SEMA3C: variants seen among roughly 807,000 people sequenced by gnomAD.
SEMA3C encodes the protein semaphorin 3C.
Under a neutral mutation model 89.4 loss-of-function variants are expected in SEMA3C, and 47 were observed. That is an observed-to-expected ratio of 0.53 (90% CI 0.42 to 0.67). The LOEUF (loss-of-function observed/expected upper bound fraction) is 0.67. SEMA3C is among the 30% of genes least tolerant of loss of function. The pLI, the probability that SEMA3C is intolerant of heterozygous loss-of-function variation, is 0.00. For synonymous variants in SEMA3C, 310 were observed against 320.2 expected (o/e 0.97, Z 0.34); for missense variants, 839 against 929.1 (o/e 0.90, Z 1.26).
chr7:80,754,525 T>G (rs1788011317), intron 15 of SEMA3C, among the ~76,000 whole-genome samples: 1 of 150,664 alleles, frequency 6.6e-6, no homozygotes, highest in South Asian at 2.1e-4. Context: ...AATGAAAAAC[T>G]CATATGGGAA....
chr7:80,792,603 G>C (rs998291142), intron 11 of SEMA3C, among the ~76,000 whole-genome samples: 1 of 152,064 alleles, frequency 6.6e-6, no homozygotes, highest in African/African-American at 2.4e-5. Flanking sequence ...ATTATGTCAA[G>C]GTTGCTCAAA....
At chr7:80,780,265 A>C (rs573809416) in intron 12 of SEMA3C, among the ~76,000 whole-genome samples, 25 of 152,326 alleles carry the variant, frequency 1.6e-4, no homozygotes, top group Non-Finnish European at 2.1e-4. Context: ...TTCTTAAAGG[A>C]AAGTGATGTT....
chr7:80,881,908 T>A (rs982491725), intron 2 of SEMA3C, among the ~76,000 whole-genome samples: 1 of 152,156 alleles, frequency 6.6e-6, no homozygotes, highest in African/African-American at 2.4e-5. Context: ...ACAAGTATCA[T>A]CTATTGGGGG....
intron 3 of SEMA3C, among the ~76,000 whole-genome samples, chr7:80,828,127 T>A (rs1032243604): frequency 1.3e-5 from 2 of 152,182 alleles, no homozygotes; most frequent in African/African-American, 4.8e-5. Flanking sequence ...TTAATCTACA[T>A]GTATTTTTTT....
intron 15 of SEMA3C, among the ~76,000 whole-genome samples, chr7:80,754,470 A>G (rs1457686343): frequency 1.3e-5 from 2 of 152,124 alleles, no homozygotes; most frequent in Admixed American, 6.6e-5. Flanking sequence ...CTACTAAAGA[A>G]AATAAATGTG....
intron 15 of SEMA3C, 44 bp downstream of exon 15, chr7:80,758,287 T>A (rs1403298858): frequency 6.3e-7 from 1 of 1,584,494 alleles, no homozygotes. Flanking sequence ...CTGTATTGTC[T>A]GGTGTCCTAC....
chr7:80,786,134 G>A (rs1037090718), intron 12 of SEMA3C, among the ~76,000 whole-genome samples: 2 of 152,184 alleles, frequency 1.3e-5, no homozygotes, highest in African/African-American at 4.8e-5. Context: ...AATCATCAGT[G>A]CAGCTTCCAC....
intron 2 of SEMA3C, among the ~76,000 whole-genome samples, chr7:80,907,363 T>C (rs1792039398): frequency 1.3e-5 from 2 of 152,036 alleles, no homozygotes; most frequent in South Asian, 4.1e-4. Context: ...TCTTAATTGG[T>C]TTCTTCTAAT....
intron 2 of SEMA3C, among the ~76,000 whole-genome samples, chr7:80,841,716 C>T (rs1758850150): frequency 6.6e-6 from 1 of 152,134 alleles, no homozygotes; most frequent in Non-Finnish European, 1.5e-5. Flanking sequence ...TATGCTTTCA[C>T]TTGATGCATT....
chr7:80,803,968 T>C (rs755014718), intron 8 of SEMA3C, 138 bp downstream of exon 8: 9 of 738,086 alleles, frequency 1.2e-5, no homozygotes, highest in African/African-American at 1.8e-5. Context: ...AATATAATAA[T>C]GATGATGAAT....
chr7:80,776,682 G>A (rs565500356), intron 12 of SEMA3C, among the ~76,000 whole-genome samples: 47 of 152,122 alleles, frequency 3.1e-4, no homozygotes, highest in South Asian at 1.0e-3. Context: ...TATTACCAAC[G>A]GATTCATCTA....
At chr7:80,920,169 C>G (rs962506845), upstream of SEMA3C, among the ~76,000 whole-genome samples, 1 of 152,136 alleles carries the variant, frequency 6.6e-6, no homozygotes, top group Non-Finnish European at 1.5e-5. Context: ...TTCAGGTACA[C>G]TCGTTAAACT....
intron 2 of SEMA3C, among the ~76,000 whole-genome samples, chr7:80,831,244 C>T (rs972126839): frequency 6.6e-6 from 1 of 152,176 alleles, no homozygotes; most frequent in Non-Finnish European, 1.5e-5. Flanking sequence ...TCTACCATTT[C>T]ACTTCTAGAT....
chr7:80,894,743 T>C (rs1791693374), intron 2 of SEMA3C, among the ~76,000 whole-genome samples: 1 of 152,206 alleles, frequency 6.6e-6, no homozygotes, highest in African/African-American at 2.4e-5. Flanking sequence ...TTTTTTTTAA[T>C]GCCTGATTGG....
chr7:80,797,540 A>T (rs1400815357), intron 11 of SEMA3C, among the ~76,000 whole-genome samples: 2 of 152,204 alleles, frequency 1.3e-5, no homozygotes, highest in South Asian at 2.1e-4. Context: ...CAAATATTTT[A>T]TTTTAAAAAT....
chr7:80,912,486 C>T (rs890081647), intron 2 of SEMA3C, among the ~76,000 whole-genome samples: 7 of 152,272 alleles, frequency 4.6e-5, no homozygotes, highest in Non-Finnish European at 7.4e-5. Context: ...ACTCATGTTT[C>T]AGGTAATGTC....
At chr7:80,870,256 T>C (rs1385874504) in intron 2 of SEMA3C, among the ~76,000 whole-genome samples, 1 of 152,154 alleles carries the variant, frequency 6.6e-6, no homozygotes, top group African/African-American at 2.4e-5. Context: ...GTGTCCAAAG[T>C]CCATCTGAAA....
chr7:80,813,165 C>T (rs563572587), intron 5 of SEMA3C, among the ~76,000 whole-genome samples: 6 of 152,116 alleles, frequency 3.9e-5, no homozygotes, highest in African/African-American at 7.2e-5. Flanking sequence ...ACACAACATT[C>T]GATTCCTTGA....
At chr7:80,787,765 T>C (rs1788838110) in intron 12 of SEMA3C, among the ~76,000 whole-genome samples, 1 of 152,192 alleles carries the variant, frequency 6.6e-6, no homozygotes, top group Admixed American at 6.5e-5. Context: ...AGTAAGAATA[T>C]AATTGATAAC....
Sources: gnomAD v4.1 joint callset for allele counts (sites outside exome capture counted in the v4.1 genomes callset) on GRCh38, gnomAD v4.1.1 for gene constraint, MANE v1.5 for transcripts, NCBI Gene and HGNC (gene_info 2026-07-23, HGNC 2026-07-21) for gene names.